The following DNAH7 variants were observed in gnomAD, a reference collection of about 807,000 sequenced individuals.
The protein encoded by DNAH7 is axonemal beta dynein heavy chain 7.
DNAH7 carries 397 observed loss-of-function variants against 444.6 expected under a neutral mutation model. That is an observed-to-expected ratio of 0.89 (90% CI 0.82 to 0.97). DNAH7 has a LOEUF of 0.97. Ranked by LOEUF, DNAH7 falls within the 50% of genes least tolerant of loss-of-function variation. The pLI, the probability that DNAH7 is intolerant of heterozygous loss-of-function variation, is 0.00. For missense variants in DNAH7, 4,902 were observed against 4,800.8 expected (o/e 1.02, Z -0.62); for synonymous variants, 1,636 against 1,624.4 (o/e 1.01, Z -0.17).
At chr2:195,855,394 T>C (rs1034077489) in intron 45 of DNAH7, among the ~76,000 whole-genome samples, 2 of 152,156 alleles carry the variant, frequency 1.3e-5, no homozygotes, top group African/African-American at 4.8e-5. Flanking sequence ...ACAACCTACG[T>C]CACTTAACAT....
At chr2:195,891,545 A>C (rs1702010750) in intron 31 of DNAH7, 110 bp downstream of exon 31, 1 of 1,005,088 alleles carries the variant, frequency 9.9e-7, no homozygotes, top group Non-Finnish European at 1.3e-6. Context: ...GTTTTAAATA[A>C]TATCTTAATC....
Position 195,824,442 on chromosome 2 carries a change from A to G in DNAH7, c.9104T>C (p.Leu3035Ser). 4 of 1,598,830 alleles carry G rather than the reference A, an allele frequency of 2.5e-6. No individual in the cohort carries two copies. The highest frequency in any genetic ancestry group is 3.4e-6 in the Non-Finnish European group (4 of 1,173,940). The change falls in exon 49 of 65, where the codon TTG becomes TCG. Residue 3035 changes from leucine to serine, a missense_variant. Transcript: ENST00000312428. ...ENCIQFGTPV[L>S]LENVGEELDP... ...TAGTTCTTCGCCAACATTTTCTAGC[A>G]ACACTGGAGTAAAATCAGAAAAGAT...
intron 52 of DNAH7, among the ~76,000 whole-genome samples, chr2:195,809,370 G>A (rs1361756091): frequency 3.3e-5 from 5 of 152,178 alleles, no homozygotes; most frequent in East Asian, 1.9e-4. Flanking sequence ...TCTTAAACAC[G>A]TAAGTGTATA....
In DNAH7 at chr2:195,777,088, G is replaced by A. The variant is rs566796466; in HGVS notation, c.11064+712C>T. Among the ~76,000 whole-genome samples the A allele has an allele frequency of 2.0e-5, 3 of 152,276 alleles. No individual in the cohort carries two copies. In the East Asian group the frequency reaches 5.8e-4, roughly 29 times the overall value. ...AGCATTAATCCTAGTGGAAGATGAG[G>A]TTAGGGTTGGGGGGTTACAGTATGT... On this transcript the variant is annotated intron_variant, in intron 59 of 64. Transcript: ENST00000312428.
At chr2:195,826,856 C>A (rs935386308) in intron 48 of DNAH7, among the ~76,000 whole-genome samples, 6 of 152,288 alleles carry the variant, frequency 3.9e-5, no homozygotes, top group South Asian at 2.1e-4. Flanking sequence ...ATCCTGCCAT[C>A]TTGCAGCTTT....
chr2:195,802,906 C>G (rs1696542459), intron 54 of DNAH7, among the ~76,000 whole-genome samples: 1 of 152,154 alleles, frequency 6.6e-6, no homozygotes, highest in South Asian at 2.1e-4. Flanking sequence ...CACTCTATAT[C>G]CAGATATACA....
chr2:195,796,935 C>G (rs561921516), intron 55 of DNAH7, among the ~76,000 whole-genome samples, 198 bp from the exon 56 acceptor site: 3 of 152,084 alleles, frequency 2.0e-5, no homozygotes, highest in Admixed American at 6.5e-5. Flanking sequence ...AGTCAATTCA[C>G]GTAGGAAATA....
At chr2:195,993,474 T>C (rs1483801093) in intron 12 of DNAH7, among the ~76,000 whole-genome samples, 1 of 152,178 alleles carries the variant, frequency 6.6e-6, no homozygotes, top group African/African-American at 2.4e-5. Context: ...AGGCATTTAC[T>C]ACAAATCAAC....
chr2:196,004,664 G>T (rs1188759091), intron 10 of DNAH7, among the ~76,000 whole-genome samples: 1 of 152,050 alleles, frequency 6.6e-6, no homozygotes, highest in Non-Finnish European at 1.5e-5. Context: ...AAACAAGGGA[G>T]GGCTGGGCAT....
intron 12 of DNAH7, among the ~76,000 whole-genome samples, chr2:195,989,169 A>G (rs992352935): frequency 6.6e-6 from 1 of 152,190 alleles, no homozygotes; most frequent in Non-Finnish European, 1.5e-5. Flanking sequence ...TAGCTCTTCA[A>G]CATACTGATT....
intron 24 of DNAH7, among the ~76,000 whole-genome samples, chr2:195,912,205 G>A (rs1236136060): frequency 6.6e-6 from 1 of 152,102 alleles, no homozygotes; most frequent in Non-Finnish European, 1.5e-5. Context: ...GGAAGAAAGA[G>A]CAGCACTTTT....
intron 15 of DNAH7, among the ~76,000 whole-genome samples, chr2:195,980,154 AATCGCCATGTGTCATGGGAGGGAC>A (rs999526537): frequency 8.6e-5 from 13 of 151,608 alleles, no homozygotes; most frequent in African/African-American, 2.9e-4. Context: ...TAGCTCCCAT[AATCGCCATGTGTCATGGGAGGGAC>A]CCGGTGGGAG....
At chr2:195,834,395 C>G (rs1698228601) in intron 47 of DNAH7, 35 bp from the exon 48 acceptor site, 16 of 1,565,790 alleles carry the variant, frequency 1.0e-5, no homozygotes, top group Non-Finnish European at 1.4e-5. Flanking sequence ...CTGGTCAAGC[C>G]ATGATTTGTT....
chr2:195,783,477 C>G lies in DNAH7; in HGVS notation c.10878+3533G>C, dbSNP rs537002980. On this transcript the variant is annotated intron_variant, in intron 58 of 64. Coordinates refer to ENST00000312428, the MANE Select transcript of DNAH7 (RefSeq NM_018897.3). The stretch of plus-strand genomic sequence containing the variant: ...AGGTGTTCCTTGGCTTGTGGCAGCA[C>G]AACTCAAGTCTCTGCCTCTGTCTTC... Among the ~76,000 whole-genome samples the G allele has an allele frequency of 9.2e-5, 14 of 152,298 alleles. 1 individual carries two copies. In the South Asian group the frequency reaches 2.9e-3, roughly 32 times the overall value.
At chr2:195,879,851 T>G (rs1286806608) in intron 36 of DNAH7, among the ~76,000 whole-genome samples, 1 of 152,194 alleles carries the variant, frequency 6.6e-6, no homozygotes, top group Non-Finnish European at 1.5e-5. Flanking sequence ...ACAATTATTT[T>G]AATCTAAGTT....
intron 58 of DNAH7, among the ~76,000 whole-genome samples, chr2:195,782,667 A>G (rs568099996): frequency 1.5e-3 from 223 of 152,342 alleles, no homozygotes; most frequent in African/African-American, 5.1e-3. Context: ...AAAAGACATA[A>G]CACTTTTGAA....
chr2:195,880,075 G>C (rs1701287115), intron 36 of DNAH7, among the ~76,000 whole-genome samples: 1 of 151,802 alleles, frequency 6.6e-6, no homozygotes, highest in Non-Finnish European at 1.5e-5. Context: ...AATTTGAAGA[G>C]AAAAATCACT....
chr2:195,927,533 T>A lies in DNAH7; in HGVS notation c.3472-967A>T, dbSNP rs190993293. Among the ~76,000 whole-genome samples, 457 of 151,354 alleles carry A rather than the reference T, an allele frequency of 3.0e-3. 1 individual carries two copies. The highest frequency in any genetic ancestry group is 7.5e-3 in the African/African-American group (308 of 41,288). ...TAAATAAATAAATAAATAAATTAAT[T>A]AATTAATTAAAAAAATAGGCGTAGC... On this transcript the variant is annotated intron_variant, in intron 21 of 64. Coordinates refer to ENST00000312428, the MANE Select transcript of DNAH7 (RefSeq NM_018897.3).
chr2:195,888,666 A>G, intron 32 of DNAH7, 133 bp downstream of exon 32: 1 of 1,025,636 alleles, frequency 9.8e-7, no homozygotes, highest in Non-Finnish European at 1.4e-6. Flanking sequence ...TAACGTCTGT[A>G]CTTTGAGAAT....
Sources: allele counts gnomAD v4.1 joint callset (sites outside exome capture counted in the v4.1 genomes callset), GRCh38; gene constraint gnomAD v4.1.1; transcripts MANE v1.5; gene names NCBI Gene and HGNC (gene_info 2026-07-23, HGNC 2026-07-21).